The following FTO variants were observed in gnomAD, a reference collection of about 807,000 sequenced individuals.
The protein encoded by FTO is FTO alpha-ketoglutarate dependent dioxygenase, also known as alpha-ketoglutarate-dependent dioxygenase FTO.
FTO carries 47 observed loss-of-function variants against 63.9 expected under a neutral mutation model. The ratio of observed to expected loss-of-function variants is 0.74; its 90% CI spans 0.58 to 0.94. The LOEUF is 0.94. FTO is among the 40% of genes least tolerant of loss of function. FTO has a pLI of 0.00. For synonymous variants in FTO, 207 were observed against 224.4 expected (o/e 0.92, Z 0.69); for missense variants, 562 against 618.1 (o/e 0.91, Z 0.96).
chr16:53,970,531 T>C (rs1219596696), intron 8 of FTO, among the ~76,000 whole-genome samples: 2 of 142,528 alleles, frequency 1.4e-5, no homozygotes, highest in Non-Finnish European at 3.0e-5. Context: ...GCAGAGGTCA[T>C]AGTGAGCCGA....
At chr16:53,895,505 A>T (rs1316588201) in intron 7 of FTO, among the ~76,000 whole-genome samples, 3 of 152,226 alleles carry the variant, frequency 2.0e-5, no homozygotes, top group African/African-American at 7.2e-5. Context: ...AGAGAATTTC[A>T]CACACAGATA....
chr16:53,924,402 C>A (rs2082088094), intron 7 of FTO, among the ~76,000 whole-genome samples: 1 of 152,166 alleles, frequency 6.6e-6, no homozygotes, highest in Admixed American at 6.5e-5. Context: ...CTTACTGGCA[C>A]ATTTTTGAGG....
intron 8 of FTO, among the ~76,000 whole-genome samples, chr16:53,959,554 TTGAG>T (rs557843147): frequency 1.1e-3 from 162 of 152,128 alleles, no homozygotes; most frequent in African/African-American, 3.7e-3. Context: ...CTGTCATTTA[TTGAG>T]TGTTTGTACT....
Position 53,826,122 on chromosome 16 carries a change from A to G in FTO, c.382A>G (p.Thr128Ala). The change falls in exon 3 of 9, where the codon ACC (threonine) becomes GCC (alanine). Residue 128 changes from threonine to alanine, a missense_variant. Thr to Ala is a moderately conservative substitution (Grantham distance 58). Transcript: ENST00000471389. ...WPVKGSNIKH[T>A]EAEIAAACET... The stretch of plus-strand genomic sequence containing the variant: ...AGTGAAAGGGTCTAATATAAAACAC[A>G]CCGAGGCTGAAATAGCCGCTGCTTG... The G allele has an allele frequency of 6.2e-7, 1 of 1,614,114 alleles. No individual in the cohort carries two copies. The highest frequency in any genetic ancestry group is 8.5e-7 in the Non-Finnish European group (1 of 1,180,028).
intron 8 of FTO, among the ~76,000 whole-genome samples, chr16:54,062,986 C>A (rs2085621784): frequency 6.6e-6 from 1 of 152,102 alleles, no homozygotes; most frequent in African/African-American, 2.4e-5. Context: ...CACATGCGCC[C>A]CCGAGGGGTG....
chr16:54,072,453 C>G (rs1336674701), intron 8 of FTO: 1 of 152,164 alleles, frequency 6.6e-6, no homozygotes, highest in Non-Finnish European at 1.5e-5. Flanking sequence ...CTGAACACCA[C>G]AGAGAAAGCC....
At chr16:53,873,450 T>C (rs2080556881) in intron 4 of FTO, among the ~76,000 whole-genome samples, 1 of 149,906 alleles carries the variant, frequency 6.7e-6, no homozygotes, top group Non-Finnish European at 1.5e-5. Flanking sequence ...ATACATATGA[T>C]TATATATATC....
At chr16:53,787,094 G>C (rs908692595) in intron 1 of FTO, among the ~76,000 whole-genome samples, 4 of 102,320 alleles carry the variant, frequency 3.9e-5, no homozygotes, top group African/African-American at 1.6e-4. Flanking sequence ...CTGGGCAACA[G>C]AGTGAGACTC....
intron 1 of FTO, among the ~76,000 whole-genome samples, chr16:53,771,445 G>T (rs1044622633): frequency 1.3e-5 from 2 of 151,736 alleles, no homozygotes; most frequent in Non-Finnish European, 2.9e-5. Context: ...CTGGATCATC[G>T]CAATTTCTTC....
At chr16:53,719,998 A>G (rs1567926621) in intron 1 of FTO, among the ~76,000 whole-genome samples, 1 of 152,000 alleles carries the variant, frequency 6.6e-6, no homozygotes, top group Non-Finnish European at 1.5e-5. Context: ...TACTGAACTA[A>G]TGTTTCCTAA....
intron 8 of FTO, among the ~76,000 whole-genome samples, chr16:54,053,007 C>T (rs755589762): frequency 3.3e-5 from 5 of 152,166 alleles, no homozygotes; most frequent in African/African-American, 9.6e-5. Flanking sequence ...CGGCCAAGAA[C>T]GTGACTTTTG....
At chr16:53,941,021 CT>C (rs1306701679) in intron 8 of FTO, among the ~76,000 whole-genome samples, 9 of 152,202 alleles carry the variant, frequency 5.9e-5, no homozygotes, top group African/African-American at 1.7e-4. Context: ...AGCTTTAGAA[CT>C]TTGATCGGGG....
At chr16:53,805,827 G>A (rs954769752) in intron 1 of FTO, among the ~76,000 whole-genome samples, 3 of 152,280 alleles carry the variant, frequency 2.0e-5, no homozygotes, top group African/African-American at 7.2e-5. Context: ...CTGTGTGCAG[G>A]GGTCTTCATC....
At chr16:53,983,192 TAA>T (rs2083586544) in intron 8 of FTO, among the ~76,000 whole-genome samples, 1 of 152,126 alleles carries the variant, frequency 6.6e-6, no homozygotes, top group Non-Finnish European at 1.5e-5. Context: ...ATCCTAACGG[TAA>T]AAGAGTCAAG....
At chr16:53,832,518 A>G (rs943771737) in intron 3 of FTO, among the ~76,000 whole-genome samples, 7 of 152,098 alleles carry the variant, frequency 4.6e-5, no homozygotes, top group African/African-American at 1.4e-4. Flanking sequence ...TCAGCCTCCC[A>G]AAGAGCTGGA....
At chr16:53,840,517 A>G (rs891371894) in intron 3 of FTO, among the ~76,000 whole-genome samples, 10 of 152,192 alleles carry the variant, frequency 6.6e-5, no homozygotes, top group African/African-American at 2.4e-4. Flanking sequence ...TTTTTTTTGT[A>G]AAGGGCCAGA....
intron 8 of FTO, among the ~76,000 whole-genome samples, chr16:54,004,918 A>C (rs2144026313): frequency 6.6e-6 from 1 of 152,022 alleles, no homozygotes; most frequent in Admixed American, 6.5e-5. Flanking sequence ...AAAATACAAA[A>C]AATTAGCCGG....
intron 1 of FTO, among the ~76,000 whole-genome samples, chr16:53,774,736 A>G (rs925549304): frequency 3.9e-5 from 6 of 152,174 alleles, no homozygotes; most frequent in African/African-American, 9.7e-5. Flanking sequence ...TTCTGAAACA[A>G]TATTACAGAT....
chr16:53,777,256 T>C (rs367579040), intron 1 of FTO, among the ~76,000 whole-genome samples: 6 of 152,320 alleles, frequency 3.9e-5, no homozygotes, highest in African/African-American at 1.4e-4. Flanking sequence ...TTCTGCTCTC[T>C]ACTTCTATGA....
Sources: gnomAD v4.1 joint callset for allele counts (sites outside exome capture counted in the v4.1 genomes callset) on GRCh38, gnomAD v4.1.1 for gene constraint, MANE v1.5 for transcripts, NCBI Gene and HGNC (gene_info 2026-07-23, HGNC 2026-07-21) for gene names.